ROBO2: variants seen among roughly 807,000 people sequenced by gnomAD.
ROBO2 encodes the protein roundabout guidance receptor 2, also known as roundabout homolog 2.
A neutral mutation model predicts 160.8 loss-of-function variants in ROBO2; 53 were observed. That is an observed-to-expected ratio of 0.33 (90% CI 0.26 to 0.41). The LOEUF (loss-of-function observed/expected upper bound fraction) is 0.41, where lower values mean the gene tolerates loss of function less well. Among genes scored for constraint, ROBO2 ranks in the 10% least tolerant of loss-of-function variants. The probability of loss-of-function intolerance (pLI) is 1.00; values close to 1 mark genes in which losing one functional copy is unlikely to be tolerated. For synonymous variants in ROBO2, 664 were observed against 611.7 expected (o/e 1.09, Z -1.26); for missense variants, 1,577 against 1,722.4 (o/e 0.92, Z 1.49).
At position 76,809,610 on chromosome 3, in the gene ROBO2, G is replaced by A. The variant is rs190864359; in HGVS notation, c.110-288404G>A. On this transcript the variant is annotated intron_variant, in intron 2 of 26. Coordinates refer to the ROBO2 transcript ENST00000487694. ...TTAGGAGTCACAAAATATTGGTATC[G>A]CCTTAGGGAATGCCCACTATGAATG... is the stretch of plus-strand genomic sequence containing the variant. Among the ~76,000 whole-genome samples the A allele has an allele frequency of 3.7e-4, 57 of 152,236 alleles. 1 individual carries two copies. Among genetic ancestry groups the A allele is most frequent in the African/African-American group, 1.2e-3 (49 of 41,576 alleles).
chr3:77,638,278 T>C (rs1392955254), intron 24 of ROBO2, among the ~76,000 whole-genome samples: 1 of 152,230 alleles, frequency 6.6e-6, no homozygotes, highest in East Asian at 1.9e-4. Flanking sequence ...GTACAGACAT[T>C]TTACAATAAA....
At chr3:77,502,933 T>C (rs1199797446) in intron 5 of ROBO2, among the ~76,000 whole-genome samples, 1 of 152,200 alleles carries the variant, frequency 6.6e-6, no homozygotes, top group Non-Finnish European at 1.5e-5. Flanking sequence ...TGATGAACTC[T>C]TCTAGGGTAT....
At chr3:76,638,724 T>C (rs985452732) in intron 2 of ROBO2, among the ~76,000 whole-genome samples, 14 of 152,210 alleles carry the variant, frequency 9.2e-5, no homozygotes, top group African/African-American at 3.4e-4. Flanking sequence ...AGCTTATCAG[T>C]AGCCTTTTTT....
intron 2 of ROBO2, among the ~76,000 whole-genome samples, chr3:76,507,873 C>G (rs1018521983): frequency 6.6e-6 from 1 of 152,120 alleles, no homozygotes; most frequent in Non-Finnish European, 1.5e-5. Context: ...TGATCTGTCT[C>G]TTTCATAGGA....
intron 2 of ROBO2, among the ~76,000 whole-genome samples, chr3:77,434,493 T>C (rs775351323): frequency 9.2e-5 from 14 of 152,140 alleles, no homozygotes; most frequent in Non-Finnish European, 1.6e-4. Flanking sequence ...AAAGAATTAA[T>C]GTGCCGACTG....
intron 2 of ROBO2, among the ~76,000 whole-genome samples, chr3:76,577,568 A>G (rs2085386287): frequency 6.6e-6 from 1 of 152,162 alleles, no homozygotes. Flanking sequence ...AGCAGTTTAT[A>G]CATGCTTCAA....
At chr3:76,052,971 A>G (rs2067704582) in intron 2 of ROBO2, among the ~76,000 whole-genome samples, 1 of 152,114 alleles carries the variant, frequency 6.6e-6, no homozygotes, top group Admixed American at 6.5e-5. Context: ...GGTTATTTAT[A>G]TTTTAAAGAA....
At chr3:77,118,646 T>A (rs1451549571) in intron 2 of ROBO2, among the ~76,000 whole-genome samples, 2 of 152,198 alleles carry the variant, frequency 1.3e-5, no homozygotes, top group Non-Finnish European at 2.9e-5. Context: ...TTATAAACTA[T>A]ACATGACTTG....
chr3:77,318,272 G>A (rs1327809584), intron 2 of ROBO2, among the ~76,000 whole-genome samples: 4 of 152,054 alleles, frequency 2.6e-5, no homozygotes, highest in Non-Finnish European at 5.9e-5. Flanking sequence ...GACCTCGGGC[G>A]ATCCGCCCAC....
At chr3:77,406,088 T>TA (rs1400996109) in intron 2 of ROBO2, among the ~76,000 whole-genome samples, 6 of 152,146 alleles carry the variant, frequency 3.9e-5, no homozygotes, top group African/African-American at 1.2e-4. Context: ...TCAGGAAACT[T>TA]ACAGTCATGG....
intron 16 of ROBO2, among the ~76,000 whole-genome samples, chr3:77,582,821 A>G (rs1347509722): frequency 6.6e-6 from 1 of 152,036 alleles, no homozygotes; most frequent in Admixed American, 6.6e-5. Flanking sequence ...TGCAGTTCTC[A>G]TATTTATCTG....
chr3:76,931,556 T>TAC lies in ROBO2; in HGVS notation c.110-166439_110-166438dup, dbSNP rs3069924. 2.2e-3 allele frequency among the ~76,000 whole-genome samples: 334 copies of TAC among 150,466 alleles called. 2 individuals carry two copies. The highest frequency in any genetic ancestry group is 2.9e-3 in the African/African-American group (120 of 41,076). On this transcript the variant is annotated intron_variant, in intron 2 of 26. Transcript: ENST00000487694. ...GACTTTGTGTGCTTTATAAGACACATACACACACACACACACACACGTATA... is the reference window on the plus strand; with the variant it reads ...GACTTTGTGTGCTTTATAAGACACATACACACACACACACACACACACGTATA...
chr3:75,947,894 A>C (rs1250982332), intron 2 of ROBO2, among the ~76,000 whole-genome samples: 1 of 152,106 alleles, frequency 6.6e-6, no homozygotes, highest in Non-Finnish European at 1.5e-5. Context: ...AGATTTAGGG[A>C]AGAGCCAAAT....
chr3:75,912,701 AAAT>A (rs776147433), intron 1 of ROBO2, among the ~76,000 whole-genome samples: 45 of 152,298 alleles, frequency 3.0e-4, no homozygotes, highest in Middle Eastern at 3.4e-3. Flanking sequence ...AAATAGAAAA[AAAT>A]TTCATCTCTA....
At chr3:76,623,305 A>C (rs1183873739) in intron 2 of ROBO2, among the ~76,000 whole-genome samples, 1 of 152,082 alleles carries the variant, frequency 6.6e-6, no homozygotes. Flanking sequence ...GCTCGGGTTT[A>C]TTTTTGTCTG....
chr3:76,398,226 G>GA (rs1224193311), intron 2 of ROBO2, among the ~76,000 whole-genome samples: 1 of 143,326 alleles, frequency 7.0e-6, no homozygotes, highest in African/African-American at 2.6e-5. Context: ...ATCGCAAGGA[G>GA]AAAAAACCAA....
intron 2 of ROBO2, chr3:76,434,263 C>G: frequency 1.0e-6 from 1 of 999,874 alleles, no homozygotes; most frequent in Non-Finnish European, 1.6e-6. Flanking sequence ...CTGTTGGTTA[C>G]AGATTCTCAG....
At chr3:76,557,330 C>T (rs2083857698) in intron 2 of ROBO2, among the ~76,000 whole-genome samples, 1 of 151,876 alleles carries the variant, frequency 6.6e-6, no homozygotes, top group Non-Finnish European at 1.5e-5. Context: ...AAGATTGCAT[C>T]TAAAAATTGA....
chr3:77,583,964 C>A (rs2093979990), intron 16 of ROBO2, among the ~76,000 whole-genome samples: 1 of 152,086 alleles, frequency 6.6e-6, no homozygotes, highest in African/African-American at 2.4e-5. Flanking sequence ...CGGTGAGAAG[C>A]CTCATATGTT....
Sources: gnomAD v4.1 joint callset for allele counts (sites outside exome capture counted in the v4.1 genomes callset) on GRCh38, gnomAD v4.1.1 for gene constraint, MANE v1.5 for transcripts, NCBI Gene and HGNC (gene_info 2026-07-23, HGNC 2026-07-21) for gene names.